Variants in TNIP1 observed in about 807,000 individuals in gnomAD.
The protein encoded by TNIP1 is TNFAIP3-interacting protein 1.
Under a neutral mutation model 86.6 loss-of-function variants are expected in TNIP1, and 22 were observed. The observed-to-expected ratio is 0.25, with a 90% confidence interval of 0.18 to 0.36. TNIP1 has a LOEUF of 0.36. Among genes scored for constraint, TNIP1 ranks in the 10% least tolerant of loss-of-function variants. The pLI is 1.00. For synonymous variants in TNIP1, 294 were observed against 313.0 expected (o/e 0.94, Z 0.64); for missense variants, 709 against 820.6 (o/e 0.86, Z 1.66).
At chr5:151,044,925 T>C (rs1758942856) in intron 9 of TNIP1, among the ~76,000 whole-genome samples, 1 of 152,168 alleles carries the variant, frequency 6.6e-6, no homozygotes, top group Non-Finnish European at 1.5e-5. Flanking sequence ...CTGGGGGACA[T>C]TTAAACTACC....
intron 7 of TNIP1, 116 bp downstream of exon 7, chr5:151,052,049 G>T: frequency 1.2e-6 from 1 of 821,148 alleles, no homozygotes; most frequent in Non-Finnish European, 1.9e-6. Flanking sequence ...TCCAAATAGG[G>T]CTCTGGGCAC....
chr5:151,042,499 G>A, intron 11 of TNIP1, 41 bp downstream of exon 11: 3 of 1,599,792 alleles, frequency 1.9e-6, no homozygotes, highest in Non-Finnish European at 2.6e-6. Flanking sequence ...CCGCTAATGT[G>A]GAGGGGAACT....
At position 151,042,839 on chromosome 5, in the gene TNIP1, G is replaced by C. The variant is rs991194752; in HGVS notation, c.1002+57C>G. On this transcript the variant is annotated intron_variant, in intron 10 of 17. Transcript: ENST00000521591. ...CCCCAAGGTTCAAAGCTGCTAAAGA[G>C]GCAGCGAGATGAAGACCAGGCATGC... The C allele has an allele frequency of 6.8e-6, 11 of 1,608,762 alleles. No homozygotes were observed. In the Admixed American group the frequency reaches 1.5e-4, roughly 22 times the overall value.
chr5:151,039,151 G>A lies in TNIP1; in HGVS notation c.1209C>T (p.Ser403=), dbSNP rs779283083. 3.7e-6 allele frequency: 6 copies of A among 1,613,994 alleles called. No individual in the cohort carries two copies. In the South Asian group the frequency reaches 6.6e-5, roughly 18 times the overall value. Residue 403 remains serine (S), a synonymous_variant, in exon 12 of 18, where the codon AGC becomes AGT. Coordinates refer to ENST00000521591, the MANE Select transcript of TNIP1 (RefSeq NM_006058.5). The part of the protein sequence containing the change: ...QKVKYLQDQL[S]PLTRQREYQE... The stretch of plus-strand genomic sequence containing the variant: ...GGTACTCACGCTGTCGGGTGAGTGG[G>A]CTCAGCTGATCCTGCAGGTACTTGA...
chr5:151,042,884 AC>A lies in TNIP1; in HGVS notation c.1002+11del, dbSNP rs756153340. ...GCATGCCCTGTGGGCGTGGCCAGGA[AC>A]CCCACATTACCTTCTGCTCATACTG... is the stretch of plus-strand genomic sequence containing the variant. On this transcript the variant is annotated intron_variant, in intron 10 of 17. Transcript: ENST00000521591. The A allele has an allele frequency of 2.0e-5, 32 of 1,613,306 alleles. No individual in the cohort carries two copies. In the South Asian group the frequency reaches 2.5e-4, roughly 13 times the overall value.
chr5:151,034,682 TACATGGGCACGGAGGGCTGGA>T (rs1757468074), intron 15 of TNIP1: 1 of 385,498 alleles, frequency 2.6e-6, no homozygotes, highest in Non-Finnish European at 4.8e-6. Context: ...AAAAGGCTGG[TACATGGGCACGGAGGGCTGGA>T]ACATGGGCAT....
chr5:151,064,332 C>T (rs998801740), intron 2 of TNIP1, among the ~76,000 whole-genome samples: 4 of 152,316 alleles, frequency 2.6e-5, no homozygotes, highest in South Asian at 2.1e-4. Context: ...AAGGGCACGG[C>T]AAGGCAAAGG....
Position 151,035,648 on chromosome 5 carries a change from C to T in TNIP1, c.1455G>A (p.Glu485=), listed in dbSNP as rs2113292080. The T allele has an allele frequency of 6.2e-7, 1 of 1,614,196 alleles. No individual in the cohort carries two copies. The highest frequency in any genetic ancestry group is 2.2e-5 in the East Asian group (1 of 44,866). The change falls in exon 14 of 18, where the codon GAG becomes GAA. Residue 485 remains glutamate (E), a synonymous_variant. Transcript: ENST00000521591. Reference sequence around the variant, plus strand: ...CTTGCTTCTTCAGCTCTTCCTTCTCCTCATTCATGCGCTCACGATCACTGC... The same window carrying T: ...CTTGCTTCTTCAGCTCTTCCTTCTCTTCATTCATGCGCTCACGATCACTGC... The part of the protein sequence containing the change: ...RERSDRERMN[E]EKEELKKQVE...
At chr5:151,078,777 A>AG (rs1451052661) in intron 1 of TNIP1, among the ~76,000 whole-genome samples, 2 of 152,198 alleles carry the variant, frequency 1.3e-5, no homozygotes, top group African/African-American at 4.8e-5. Flanking sequence ...GGCTTGCTGG[A>AG]GGGGGAAAAG....
In TNIP1 at chr5:151,049,856, T is replaced by G; in HGVS notation, c.814A>C (p.Thr272Pro). Reference sequence around the variant, plus strand: ...TGTCCAGCCACTGCCTTCTTGCCTGTCCCTTCCATCTTCGGTGAGCCTGGC... The same window carrying G: ...TGTCCAGCCACTGCCTTCTTGCCTGGCCCTTCCATCTTCGGTGAGCCTGGC... ...GRPGSPKMEG[T>P]GKKAVAGQQQ... Residue 272 changes from threonine to proline, a missense_variant, in exon 8 of 18, where the codon ACA (threonine) becomes CCA (proline). By Grantham distance (38) the Thr-to-Pro change is conservative. Transcript: ENST00000521591. 6.2e-7 allele frequency: 1 copy of G among 1,614,194 alleles called. No homozygotes were observed. Among genetic ancestry groups the G allele is most frequent in the Admixed American group, 1.7e-5 (1 of 60,026 alleles).
chr5:151,047,612 G>A (rs1051158896), intron 8 of TNIP1, among the ~76,000 whole-genome samples: 1 of 152,086 alleles, frequency 6.6e-6, no homozygotes, highest in Admixed American at 6.6e-5. Flanking sequence ...TTGCCGTTAG[G>A]GGAAGTAAAG....
intron 1 of TNIP1, among the ~76,000 whole-genome samples, chr5:151,069,782 T>C (rs1382824145): frequency 6.6e-6 from 1 of 152,122 alleles, no homozygotes; most frequent in Non-Finnish European, 1.5e-5. Context: ...GTGTCTACTC[T>C]GCTGTGTATG....
At chr5:151,061,800 C>G (rs1761606769) in intron 4 of TNIP1, among the ~76,000 whole-genome samples, 1 of 152,222 alleles carries the variant, frequency 6.6e-6, no homozygotes, top group African/African-American at 2.4e-5. Context: ...TTTCTGAGCC[C>G]TCTTTGAGAA....
At chr5:151,053,924 T>C (rs904540169) in intron 6 of TNIP1, among the ~76,000 whole-genome samples, 1 of 152,212 alleles carries the variant, frequency 6.6e-6, no homozygotes, top group South Asian at 2.1e-4. Context: ...AGAGAGATGG[T>C]GCCCAAAGGA....
intron 1 of TNIP1, among the ~76,000 whole-genome samples, chr5:151,072,449 G>C (rs1001078499): frequency 2.0e-5 from 3 of 152,304 alleles, no homozygotes; most frequent in Non-Finnish European, 2.9e-5. Context: ...GCCAACTTTA[G>C]CAATCCAGAT....
At chr5:151,082,133 G>C (rs1446823290), upstream of TNIP1, among the ~76,000 whole-genome samples, 2 of 152,264 alleles carry the variant, frequency 1.3e-5, no homozygotes, top group African/African-American at 4.8e-5. Context: ...ACAGAAGAGA[G>C]ACCCATCAAT....
chr5:151,081,239 C>T (rs1764000671), upstream of TNIP1, among the ~76,000 whole-genome samples: 1 of 152,158 alleles, frequency 6.6e-6, no homozygotes, highest in Non-Finnish European at 1.5e-5. Flanking sequence ...AGCGACTTCC[C>T]TGGGGCCACC....
At chr5:151,040,517 T>C (rs1359428363) in intron 11 of TNIP1, among the ~76,000 whole-genome samples, 1 of 152,112 alleles carries the variant, frequency 6.6e-6, no homozygotes, top group Non-Finnish European at 1.5e-5. Flanking sequence ...GGCCACGCCT[T>C]GTCATGAAAC....
chr5:151,058,551 T>C (rs944502894), intron 5 of TNIP1, among the ~76,000 whole-genome samples: 4 of 152,132 alleles, frequency 2.6e-5, no homozygotes, highest in African/African-American at 4.8e-5. Flanking sequence ...CAGCATCCAG[T>C]TGGGCTCCCC....
Sources: gnomAD v4.1 joint callset for allele counts (sites outside exome capture counted in the v4.1 genomes callset) on GRCh38, gnomAD v4.1.1 for gene constraint, MANE v1.5 for transcripts, NCBI Gene and HGNC (gene_info 2026-07-23, HGNC 2026-07-21) for gene names.